MMP16: variants seen among roughly 807,000 people sequenced by gnomAD.
The protein encoded by MMP16 is matrix metalloproteinase-16.
A neutral mutation model predicts 67.8 loss-of-function variants in MMP16; 12 were observed. That is an observed-to-expected ratio of 0.18 (90% CI 0.11 to 0.29). MMP16 has a LOEUF of 0.29. Among genes scored for constraint, MMP16 ranks in the 10% least tolerant of loss-of-function variants. The pLI is 1.00. For synonymous variants in MMP16, 249 were observed against 255.9 expected (o/e 0.97, Z 0.26); for missense variants, 475 against 765.7 (o/e 0.62, Z 4.48).
intron 1 of MMP16, among the ~76,000 whole-genome samples, chr8:88,233,046 T>TA (rs1809886553): frequency 1.3e-5 from 2 of 152,152 alleles, no homozygotes; most frequent in South Asian, 4.1e-4. Flanking sequence ...GCAACTTACT[T>TA]AGTGTCTCTA....
intron 1 of MMP16, among the ~76,000 whole-genome samples, chr8:88,323,244 AAT>A (rs1218474082): frequency 6.6e-6 from 1 of 152,200 alleles, no homozygotes; most frequent in Non-Finnish European, 1.5e-5. Context: ...AATTCTATAA[AAT>A]ATAATTTTTA....
intron 1 of MMP16, among the ~76,000 whole-genome samples, chr8:88,315,733 T>G (rs1811367003): frequency 6.6e-6 from 1 of 152,198 alleles, no homozygotes; most frequent in African/African-American, 2.4e-5. Context: ...TACAACGGCC[T>G]ATAAATGTTT....
At chr8:88,238,720 C>CT (rs1021783400) in intron 1 of MMP16, among the ~76,000 whole-genome samples, 3 of 147,526 alleles carry the variant, frequency 2.0e-5, no homozygotes, top group African/African-American at 7.4e-5. Context: ...ATCCTTCTGC[C>CT]TTTTTTATAC....
chr8:88,322,518 T>G (rs531112017), intron 1 of MMP16, among the ~76,000 whole-genome samples: 1 of 152,170 alleles, frequency 6.6e-6, no homozygotes, highest in South Asian at 2.1e-4. Flanking sequence ...CTTATCGACC[T>G]TTATTTTCTA....
At chr8:88,314,452 G>A (rs1188245887) in intron 1 of MMP16, among the ~76,000 whole-genome samples, 1 of 152,070 alleles carries the variant, frequency 6.6e-6, no homozygotes, top group African/African-American at 2.4e-5. Context: ...ACCCTGTTGG[G>A]TGCTGGGTAT....
chr8:88,215,707 G>C (rs781045868), intron 1 of MMP16, among the ~76,000 whole-genome samples: 1 of 152,096 alleles, frequency 6.6e-6, no homozygotes, highest in Non-Finnish European at 1.5e-5. Context: ...ACTTACTGCT[G>C]TTCTTAATCT....
At chr8:88,245,010 G>C (rs1346396812) in intron 1 of MMP16, among the ~76,000 whole-genome samples, 1 of 152,098 alleles carries the variant, frequency 6.6e-6, no homozygotes, top group Non-Finnish European at 1.5e-5. Flanking sequence ...GTAGGGGCAG[G>C]TGGTTAAGGC....
At chr8:88,212,530 G>A (rs149560885) in intron 1 of MMP16, among the ~76,000 whole-genome samples, 1 of 152,132 alleles carries the variant, frequency 6.6e-6, no homozygotes, top group East Asian at 1.9e-4. Flanking sequence ...TTAGGTAACA[G>A]ATTTGTTAAA....
intron 6 of MMP16, among the ~76,000 whole-genome samples, chr8:88,077,154 T>C (rs1341473673): frequency 6.6e-6 from 1 of 152,202 alleles, no homozygotes; most frequent in Non-Finnish European, 1.5e-5. Flanking sequence ...GACAGCAGCC[T>C]TGGCAGAGAG....
chr8:88,177,712 T>C (rs1808915540), intron 3 of MMP16, among the ~76,000 whole-genome samples: 1 of 152,200 alleles, frequency 6.6e-6, no homozygotes, highest in African/African-American at 2.4e-5. Flanking sequence ...AGCTTAAAGA[T>C]AATTAGACAG....
intron 6 of MMP16, among the ~76,000 whole-genome samples, chr8:88,089,212 G>T (rs1808892564): frequency 1.3e-5 from 2 of 152,032 alleles, no homozygotes; most frequent in East Asian, 1.9e-4. Flanking sequence ...GCCTTTTAAG[G>T]CAAGGAAGGA....
At chr8:88,176,191 C>G (rs1050787888) in intron 3 of MMP16, among the ~76,000 whole-genome samples, 2 of 152,144 alleles carry the variant, frequency 1.3e-5, no homozygotes, top group African/African-American at 4.8e-5. Context: ...GTTTTTCCTG[C>G]TATAAAACAG....
At chr8:88,282,581 A>G (rs984896986) in intron 1 of MMP16, among the ~76,000 whole-genome samples, 2 of 152,244 alleles carry the variant, frequency 1.3e-5, no homozygotes, top group Non-Finnish European at 2.9e-5. Flanking sequence ...TAGGGCTTCT[A>G]GAATATTAAT....
intron 6 of MMP16, among the ~76,000 whole-genome samples, chr8:88,112,254 C>T (rs1809349695): frequency 6.6e-6 from 1 of 150,694 alleles, no homozygotes; most frequent in African/African-American, 2.4e-5. Flanking sequence ...TTTCCAGCTT[C>T]AAAAGAACAT....
In MMP16 at chr8:88,145,695, C is replaced by T. The variant is rs376594105; in HGVS notation, c.709+21974G>A. ...GAAATACAACCTCATTAGCACGTCA[C>T]TAACTAACTTCAACAAATGGGATAA... On this transcript the variant is annotated intron_variant, in intron 4 of 9. Transcript: ENST00000286614. 2.6e-5 allele frequency among the ~76,000 whole-genome samples: 4 copies of T among 151,962 alleles called. No individual in the cohort carries two copies. The East Asian group carries it at 7.7e-4, about 29-fold the overall frequency.
intron 4 of MMP16, among the ~76,000 whole-genome samples, chr8:88,125,476 C>T (rs922346927): frequency 2.6e-4 from 40 of 151,904 alleles, no homozygotes; most frequent in African/African-American, 9.6e-4. Context: ...AAGTGCCAAA[C>T]ATTTATAGTA....
chr8:88,132,361 G>A (rs1327203122), intron 4 of MMP16, among the ~76,000 whole-genome samples: 4 of 151,854 alleles, frequency 2.6e-5, no homozygotes, highest in Non-Finnish European at 4.4e-5. Flanking sequence ...AAAAGTCAGT[G>A]ATAGTCTTAC....
At chr8:88,237,802 A>G (rs548038937) in intron 1 of MMP16, among the ~76,000 whole-genome samples, 1 of 152,342 alleles carries the variant, frequency 6.6e-6, no homozygotes, top group South Asian at 2.1e-4. Flanking sequence ...CTGAAAATGC[A>G]TACCATGGCA....
chr8:88,179,438 T>C lies in MMP16; in HGVS notation c.404+7038A>G, dbSNP rs535358442. On this transcript the variant is annotated intron_variant, in intron 3 of 9. Coordinates refer to ENST00000286614, the MANE Select transcript of MMP16 (RefSeq NM_005941.5). ...AACACTTATTGTCTACAGAATTGCC[T>C]TGCAAAAAAAAAAAGTAAGAGAAGT... Among the ~76,000 whole-genome samples the C allele has an allele frequency of 1.1e-4, 16 of 150,776 alleles. No individual in the cohort carries two copies. In the East Asian group the frequency reaches 1.6e-3, roughly 15 times the overall value.
Sources: allele counts gnomAD v4.1 joint callset (sites outside exome capture counted in the v4.1 genomes callset), GRCh38; gene constraint gnomAD v4.1.1; transcripts MANE v1.5; gene names NCBI Gene and HGNC (gene_info 2026-07-23, HGNC 2026-07-21).